LOC112694756: variants seen among roughly 807,000 people sequenced by gnomAD.
chr16:30,070,126 C>T, the LOC112694756 span: 3 of 1,613,956 alleles, frequency 1.9e-6, no homozygotes, highest in African/African-American at 4.0e-5. Context: ...GGCCAACAGC[C>T]TTGCCTGTCA....
At chr16:30,070,357 A>G in the LOC112694756 span, 1 of 740,044 alleles carries the variant, frequency 1.4e-6, no homozygotes, top group Non-Finnish European at 2.3e-6. Flanking sequence ...TCGTCTGTGA[A>G]TGCTAAGTCC....
At chr16:30,070,185 C>T in the LOC112694756 span, 9 of 1,614,108 alleles carry the variant, frequency 5.6e-6, no homozygotes, top group Non-Finnish European at 6.8e-6. Flanking sequence ...CCAGCGAGTC[C>T]CTCTTCGTCT....
At chr16:30,067,549 A>G in the LOC112694756 span, 2 of 1,613,482 alleles carry the variant, frequency 1.2e-6, no homozygotes, top group Non-Finnish European at 1.7e-6. Flanking sequence ...GACCGCGTGA[A>G]CCCCTGCATT....
chr16:30,059,907 G>A, the LOC112694756 span, among the ~76,000 whole-genome samples: 1 of 151,946 alleles, frequency 6.6e-6, no homozygotes, highest in African/African-American at 2.4e-5. Flanking sequence ...TACTTACCAG[G>A]CATCGTGCTT....
chr16:30,055,192 C>T, the LOC112694756 span: 21 of 399,282 alleles, frequency 5.3e-5, no homozygotes, highest in East Asian at 1.4e-4. Context: ...GCTGCGCGGA[C>T]GGTAGCTCCC....
At chr16:30,068,516 T>C in the LOC112694756 span, 1 of 1,038,358 alleles carries the variant, frequency 9.6e-7, no homozygotes, top group Non-Finnish European at 1.5e-6. Context: ...GGCGGGAGGA[T>C]CACTTGAGTC....
the LOC112694756 span, chr16:30,069,113 G>A: frequency 6.9e-7 from 1 of 1,445,286 alleles, no homozygotes; most frequent in South Asian, 1.2e-5. Flanking sequence ...ACACTCAAGG[G>A]CTGTTGAAGG....
At chr16:30,069,086 G>A in the LOC112694756 span, 1 of 1,547,366 alleles carries the variant, frequency 6.5e-7, no homozygotes, top group Non-Finnish European at 8.9e-7. Context: ...GCAAGCATTA[G>A]CTTTGGCCCG....
chr16:30,067,222 T>C, the LOC112694756 span: 1 of 1,612,142 alleles, frequency 6.2e-7, no homozygotes, highest in East Asian at 2.2e-5. Context: ...CCCCTCTGTT[T>C]CCTGTATCCA....
At chr16:30,067,194 C>G in the LOC112694756 span, 54 of 1,611,346 alleles carry the variant, frequency 3.4e-5, no homozygotes, top group Non-Finnish European at 4.5e-5. Flanking sequence ...GATGGGAAAC[C>G]CTAGCTAACT....
the LOC112694756 span, among the ~76,000 whole-genome samples, chr16:30,058,762 G>A: frequency 4.5e-4 from 68 of 152,222 alleles, no homozygotes; most frequent in African/African-American, 1.4e-3. Context: ...GATTACAGGC[G>A]TGAGCCACCA....
chr16:30,066,893 A>T, the LOC112694756 span: 1 of 1,548,734 alleles, frequency 6.5e-7, no homozygotes, highest in Non-Finnish European at 8.7e-7. Context: ...AGGCAAGGTG[A>T]CCCCATGGCA....
the LOC112694756 span, chr16:30,069,715 C>T: frequency 5.6e-6 from 9 of 1,612,236 alleles, no homozygotes; most frequent in South Asian, 9.9e-5. Context: ...AGTAGATAAG[C>T]TCCACCCACA....
chr16:30,058,687 T>G, the LOC112694756 span, among the ~76,000 whole-genome samples: 35 of 152,022 alleles, frequency 2.3e-4, no homozygotes, highest in Non-Finnish European at 3.8e-4. Flanking sequence ...GGGTTTCGTG[T>G]TAGCCAGGAT....
chr16:30,067,217 CTG>C, the LOC112694756 span: 2 of 1,612,182 alleles, frequency 1.2e-6, no homozygotes, highest in Admixed American at 3.3e-5. Flanking sequence ...TCCTTCCCCT[CTG>C]TTTCCTGTAT....
chr16:30,056,531 AT>A, the LOC112694756 span, among the ~76,000 whole-genome samples: 1 of 152,096 alleles, frequency 6.6e-6, no homozygotes, highest in African/African-American at 2.4e-5. Context: ...TCACTGCTGT[AT>A]TTTACCATTA....
At chr16:30,068,641 A>G in the LOC112694756 span, 1 of 1,614,152 alleles carries the variant, frequency 6.2e-7, no homozygotes, top group Non-Finnish European at 8.5e-7. Flanking sequence ...CCCTGACCCC[A>G]ACAGGTAGAC....
chr16:30,069,884 A>C, the LOC112694756 span: 1 of 1,613,926 alleles, frequency 6.2e-7, no homozygotes. Flanking sequence ...ATCAACCTCA[A>C]TGCCATTAAC....
the LOC112694756 span, among the ~76,000 whole-genome samples, chr16:30,062,722 T>A: frequency 6.6e-6 from 1 of 151,302 alleles, no homozygotes; most frequent in Non-Finnish European, 1.5e-5. Flanking sequence ...ATGCCTGTAA[T>A]CCCACCTACT....
Sources: allele counts gnomAD v4.1 joint callset (sites outside exome capture counted in the v4.1 genomes callset), GRCh38; gene constraint gnomAD v4.1.1; transcripts MANE v1.5.